The following CIMAP2 variants were observed in gnomAD, a reference collection of about 807,000 sequenced individuals.
CIMAP2 encodes the protein ciliary microtubule-associated protein 2.
At chr1:54,808,666 G>C in the CIMAP2 span, among the ~76,000 whole-genome samples, 1 of 141,448 alleles carries the variant, frequency 7.1e-6, no homozygotes, top group African/African-American at 2.6e-5. Flanking sequence ...TACCTTTTTA[G>C]AGGAAGACCT....
At chr1:54,841,847 G>C in the CIMAP2 span, 1 of 1,553,254 alleles carries the variant, frequency 6.4e-7, no homozygotes, top group Non-Finnish European at 8.7e-7. Flanking sequence ...TCCAACTGTG[G>C]ATTACAATTC....
At chr1:54,813,190 A>T in the CIMAP2 span, among the ~76,000 whole-genome samples, 1 of 151,986 alleles carries the variant, frequency 6.6e-6, no homozygotes, top group African/African-American at 2.4e-5. Flanking sequence ...ATTGAGTGGA[A>T]AGTACAAGGA....
the CIMAP2 span, chr1:54,808,093 C>T: frequency 1.4e-6 from 2 of 1,413,760 alleles, no homozygotes; most frequent in Non-Finnish European, 1.9e-6. Context: ...CTTACATATC[C>T]ATCCAGCCAG....
the CIMAP2 span, chr1:54,808,034 T>C: frequency 3.2e-5 from 48 of 1,518,632 alleles, no homozygotes; most frequent in Non-Finnish European, 4.1e-5. Flanking sequence ...ATGTCTGGAG[T>C]CCCAAGCAGA....
the CIMAP2 span, chr1:54,811,766 C>CGGGGGGGGGGCCGG: frequency 7.7e-7 from 1 of 1,305,190 alleles, no homozygotes; most frequent in Non-Finnish European, 1.1e-6. Flanking sequence ...GTTCTGACAG[C>CGGGGGGGGGGCCGG]CTCCATGCCC....
chr1:54,837,674 A>C, the CIMAP2 span, among the ~76,000 whole-genome samples: 1 of 152,124 alleles, frequency 6.6e-6, no homozygotes, highest in Non-Finnish European at 1.5e-5. Context: ...GGACGACCCC[A>C]AAACCCTCCT....
the CIMAP2 span, among the ~76,000 whole-genome samples, chr1:54,813,026 G>A: frequency 5.3e-5 from 8 of 152,182 alleles, no homozygotes; most frequent in Non-Finnish European, 1.0e-4. Flanking sequence ...GAGCCCCCCA[G>A]ACCTCCCCAT....
chr1:54,824,028 A>C, the CIMAP2 span, among the ~76,000 whole-genome samples: 1 of 145,486 alleles, frequency 6.9e-6, no homozygotes, highest in African/African-American at 2.5e-5. Flanking sequence ...GCTGTTTTGG[A>C]CTTTTTTTTT....
chr1:54,824,473 A>T, the CIMAP2 span, among the ~76,000 whole-genome samples: 1 of 152,174 alleles, frequency 6.6e-6, no homozygotes, highest in Non-Finnish European at 1.5e-5. Context: ...TTATTTCATT[A>T]AATAGGTTTT....
At chr1:54,809,500 G>A in the CIMAP2 span, among the ~76,000 whole-genome samples, 1 of 152,190 alleles carries the variant, frequency 6.6e-6, no homozygotes. Flanking sequence ...TTAATTTCAT[G>A]TTCATGACAA....
chr1:54,842,013 G>A, the CIMAP2 span: 1 of 850,638 alleles, frequency 1.2e-6, no homozygotes, highest in African/African-American at 1.7e-5. Context: ...AGATGTATGG[G>A]GATCACCTTT....
chr1:54,841,611 C>T, the CIMAP2 span: 1 of 1,614,058 alleles, frequency 6.2e-7, no homozygotes, highest in African/African-American at 1.3e-5. Context: ...TAATCCCATC[C>T]TTAGAATCAG....
the CIMAP2 span, chr1:54,842,138 TG>T: frequency 1.8e-6 from 1 of 549,858 alleles, no homozygotes. Context: ...GACATGAACA[TG>T]GGGGCCAGAG....
At chr1:54,811,765 G>GCCGGGGGGGGGGGGGGGCCCCCCCCCCC in the CIMAP2 span, 11 of 1,301,288 alleles carry the variant, frequency 8.5e-6, no homozygotes, top group Non-Finnish European at 7.6e-6. Flanking sequence ...GGTTCTGACA[G>GCCGGGGGGGGGGGGGGGCCCCCCCCCCC]CCTCCATGCC....
the CIMAP2 span, among the ~76,000 whole-genome samples, chr1:54,820,556 T>C: frequency 1.3e-5 from 2 of 152,296 alleles, no homozygotes; most frequent in Admixed American, 1.3e-4. Flanking sequence ...CAAAAGCATG[T>C]AAGAGCTCCC....
At chr1:54,806,941 C>T in the CIMAP2 span, 22 of 1,527,284 alleles carry the variant, frequency 1.4e-5, no homozygotes, top group South Asian at 7.8e-5. Context: ...GAACTGCCCA[C>T]GCCAGGGCCA....
At chr1:54,806,342 G>A in the CIMAP2 span, 1 of 1,039,136 alleles carries the variant, frequency 9.6e-7, no homozygotes, top group Non-Finnish European at 1.3e-6. Context: ...AGCCTGGCGG[G>A]GAGGGGAACC....
the CIMAP2 span, among the ~76,000 whole-genome samples, chr1:54,830,869 C>T: frequency 6.6e-6 from 1 of 152,302 alleles, no homozygotes; most frequent in East Asian, 1.9e-4. This position sits in a 1 kb window ranked among gnomAD's most constrained non-coding sequence, Gnocchi z 4.1. Context: ...ATTCTTCCAT[C>T]TGCTTTTCAA....
chr1:54,834,274 C>T, the CIMAP2 span, among the ~76,000 whole-genome samples: 2 of 152,164 alleles, frequency 1.3e-5, no homozygotes, highest in Non-Finnish European at 2.9e-5. Context: ...CAGAACTTTT[C>T]TACTTTCCAG....
Sources: gnomAD v4.1 joint callset for allele counts (sites outside exome capture counted in the v4.1 genomes callset) on GRCh38, gnomAD v4.1.1 for gene constraint, Gnocchi (gnomAD v3.1) non-coding constraint, MANE v1.5 for transcripts, NCBI Gene and HGNC (gene_info 2026-07-23, HGNC 2026-07-21) for gene names.